OCA2: variants seen among roughly 807,000 people sequenced by gnomAD.
The protein encoded by OCA2 is OCA2 melanosomal transmembrane protein.
A neutral mutation model predicts 100.2 loss-of-function variants in OCA2; 77 were observed. That is an observed-to-expected ratio of 0.77 (90% CI 0.64 to 0.93). OCA2 has a LOEUF of 0.93. Ranked by LOEUF, OCA2 falls within the 40% of genes least tolerant of loss-of-function variation. The pLI is 0.00. For synonymous variants in OCA2, 432 were observed against 439.2 expected (o/e 0.98, Z 0.21); for missense variants, 1,062 against 1,089.1 (o/e 0.98, Z 0.35).
chr15:27,812,184 G>C (rs1190871823), intron 23 of OCA2, among the ~76,000 whole-genome samples: 1 of 152,168 alleles, frequency 6.6e-6, no homozygotes, highest in African/African-American at 2.4e-5. Context: ...CAGCAGGACA[G>C]CTTATATTTA....
At chr15:28,039,588 T>C (rs1000502065) in intron 2 of OCA2, among the ~76,000 whole-genome samples, 13 of 152,208 alleles carry the variant, frequency 8.5e-5, no homozygotes, top group African/African-American at 2.9e-4. Context: ...TGGGCTGAAC[T>C]GTGTAGCTTT....
intron 21 of OCA2, among the ~76,000 whole-genome samples, chr15:27,861,468 A>C (rs1752110715): frequency 6.6e-6 from 1 of 152,072 alleles, no homozygotes; most frequent in Non-Finnish European, 1.5e-5. Flanking sequence ...CCGTGAGTCT[A>C]GAGAGTGGAG....
At chr15:28,052,814 A>G (rs1024406434) in intron 2 of OCA2, among the ~76,000 whole-genome samples, 2 of 152,202 alleles carry the variant, frequency 1.3e-5, no homozygotes, top group Non-Finnish European at 2.9e-5. Flanking sequence ...TGTTACCAAT[A>G]ATTCCTCAAT....
intron 15 of OCA2, among the ~76,000 whole-genome samples, chr15:27,958,908 ATC>A (rs2140723386): frequency 6.6e-6 from 1 of 152,294 alleles, no homozygotes; most frequent in African/African-American, 2.4e-5. Context: ...AGGCATGGTG[ATC>A]ACCCGAAGAC....
rs368781328 is a variant in OCA2 at position 27,985,078 on chromosome 15, C to A, written c.1350G>T (p.Thr450=). The A allele has an allele frequency of 1.9e-6, 3 of 1,613,758 alleles. No homozygotes were observed. Among genetic ancestry groups the A allele is most frequent in the African/African-American group, 2.7e-5 (2 of 74,902 alleles). Residue 450 remains threonine, a synonymous_variant, in exon 13 of 24, where the codon ACG becomes ACT. Transcript: ENST00000354638. The part of the protein sequence containing the change: ...LDNVTTMLLF[T]PVTIRLCEVL... ...GCTTTGCGTACCTTATGGTCACAGGCGTGAAGAGGAGCATGGTGGTGACGT... is the reference window on the plus strand; with the variant it reads ...GCTTTGCGTACCTTATGGTCACAGGAGTGAAGAGGAGCATGGTGGTGACGT...
intron 23 of OCA2, among the ~76,000 whole-genome samples, chr15:27,800,832 G>A (rs1267032729): frequency 6.6e-6 from 1 of 152,028 alleles, no homozygotes; most frequent in African/African-American, 2.4e-5. Flanking sequence ...GCCAGGTGTG[G>A]TGGTACATGC....
chr15:27,980,632 GA>G (rs1444745034), intron 14 of OCA2, among the ~76,000 whole-genome samples: 1 of 152,112 alleles, frequency 6.6e-6, no homozygotes, highest in African/African-American at 2.4e-5. Flanking sequence ...TTGTACATAA[GA>G]AAAAGATTTT....
rs1323398228 is a variant in OCA2 at position 27,957,240 on chromosome 15, T to A, written c.1784+348A>T. On this transcript the variant is annotated intron_variant, in intron 16 of 23. Coordinates refer to ENST00000354638, the MANE Select transcript of OCA2 (RefSeq NM_000275.3). This position sits in a 1 kb window ranked among gnomAD's most constrained non-coding sequence, Gnocchi z 4.3. Reference sequence around the variant, plus strand: ...CAAATTAGTCTTTGCATTAATGGTTTTTGGTTTTTGTCGTGCAACAATTAC... The same window carrying A: ...CAAATTAGTCTTTGCATTAATGGTTATTGGTTTTTGTCGTGCAACAATTAC... 1.3e-5 allele frequency among the ~76,000 whole-genome samples: 2 copies of A among 152,194 alleles called. No individual in the cohort carries two copies. Among genetic ancestry groups the A allele is most frequent in the Admixed American group, 6.5e-5 (1 of 15,280 alleles).
chr15:28,020,204 G>A (rs527885429), intron 6 of OCA2, among the ~76,000 whole-genome samples: 1 of 152,164 alleles, frequency 6.6e-6, no homozygotes, highest in South Asian at 2.1e-4. Context: ...GGTCCTGCGT[G>A]GGGCCTGGTG....
chr15:28,014,925 T>C lies in OCA2; in HGVS notation c.895A>G (p.Thr299Ala). Residue 299 changes from threonine (T) to alanine (A), a missense_variant, in exon 9 of 24, where the codon ACG becomes GCG. Physicochemically the swap from Thr to Ala is moderately conservative, Grantham distance 58. Coordinates refer to ENST00000354638, the MANE Select transcript of OCA2 (RefSeq NM_000275.3). ...GAGGCCCGGATGCTGATGGACACCG[T>C]CTCTCTGCAGAACGAAACAACGACC... ...SRTFEVLTRE[T>A]VSISIRASLQ... 3 of 1,613,974 alleles carry C rather than the reference T, an allele frequency of 1.9e-6. No homozygotes were observed. Among genetic ancestry groups the C allele is most frequent in the Non-Finnish European group, 2.5e-6 (3 of 1,179,994 alleles).
At chr15:28,061,907 T>G (rs1340490710) in intron 2 of OCA2, among the ~76,000 whole-genome samples, 1 of 152,236 alleles carries the variant, frequency 6.6e-6, no homozygotes, top group South Asian at 2.1e-4. Context: ...GTACTTCTTC[T>G]ATTTTTATGG....
At chr15:28,061,899 ACTT>A (rs770964644) in intron 2 of OCA2, among the ~76,000 whole-genome samples, 18 of 152,314 alleles carry the variant, frequency 1.2e-4, no homozygotes, top group Non-Finnish European at 2.1e-4. Context: ...ACATATCAGT[ACTT>A]CTTCTATTTT....
chr15:27,824,413 CCTATGA>C, intron 23 of OCA2, among the ~76,000 whole-genome samples: 1 of 151,264 alleles, frequency 6.6e-6, no homozygotes, highest in East Asian at 2.0e-4. Context: ...AAGTATGCAG[CCTATGA>C]CATGATGCAC....
Position 27,943,115 on chromosome 15 carries a change from T to C in OCA2, c.1951+8669A>G, listed in dbSNP as rs998035198. Among the ~76,000 whole-genome samples, 5 of 152,186 alleles carry C rather than the reference T, an allele frequency of 3.3e-5. No individual in the cohort carries two copies. In the East Asian group the frequency reaches 9.6e-4, roughly 29 times the overall value. ...TCATTAGGCCTTTCATCTGTAACTT[T>C]GTAAACCAAAAACAAATCTCTAAGC... On this transcript the variant is annotated intron_variant, in intron 18 of 23. Transcript: ENST00000354638.
At position 27,913,936 on chromosome 15, in the gene OCA2, A is replaced by C. The variant is rs554480104; in HGVS notation, c.2079+12191T>G. Among the ~76,000 whole-genome samples, 36 of 146,962 alleles carry C rather than the reference A, an allele frequency of 2.4e-4. 3 individuals are homozygous for C. The highest frequency in any genetic ancestry group is 8.7e-4 in the South Asian group (4 of 4,578). ...GCAAGCAAGCAAGCAAGCAAGAAAG[A>C]AAGAAAAAAATTTCAGGCCAATATC... On this transcript the variant is annotated intron_variant, in intron 19 of 23. Coordinates refer to ENST00000354638, the MANE Select transcript of OCA2 (RefSeq NM_000275.3).
chr15:27,957,969 C>T lies in OCA2; in HGVS notation c.1637-234G>A, dbSNP rs138010826. 1.8e-3 allele frequency among the ~76,000 whole-genome samples: 270 copies of T among 152,290 alleles called. 1 individual carries two copies. Among genetic ancestry groups the T allele is most frequent in the African/African-American group, 6.0e-3 (250 of 41,566 alleles). The stretch of plus-strand genomic sequence containing the variant: ...TGCAAGGACAAAAAACCAAACACCA[C>T]ATGTTCTCACTCATAGGTGGGAATT... On this transcript the variant is annotated intron_variant, in intron 15 of 23. Transcript: ENST00000354638. This position sits in a 1 kb window ranked among gnomAD's most constrained non-coding sequence, Gnocchi z 4.3.
the OCA2 span, among the ~76,000 whole-genome samples, chr15:27,736,876 G>GAAT: frequency 2.6e-5 from 4 of 152,092 alleles, no homozygotes; most frequent in Admixed American, 2.6e-4. Context: ...TGGGATAAGA[G>GAAT]AATAGACTGG....
chr15:27,824,065 A>G (rs1427785603), intron 23 of OCA2, among the ~76,000 whole-genome samples: 1 of 152,232 alleles, frequency 6.6e-6, no homozygotes, highest in African/African-American at 2.4e-5. Flanking sequence ...TTAAAGTGCT[A>G]TAAAGCCCTA....
At chr15:27,793,055 A>G (rs922655204) in intron 23 of OCA2, among the ~76,000 whole-genome samples, 2 of 152,224 alleles carry the variant, frequency 1.3e-5, no homozygotes, top group Non-Finnish European at 2.9e-5. Context: ...TCATGTTTGT[A>G]ATTGCTGACA....
Sources: allele counts gnomAD v4.1 joint callset (sites outside exome capture counted in the v4.1 genomes callset), GRCh38; gene constraint gnomAD v4.1.1; non-coding constraint Gnocchi (gnomAD v3.1); transcripts MANE v1.5; gene names NCBI Gene and HGNC (gene_info 2026-07-23, HGNC 2026-07-21).